AGMO: variants seen among roughly 807,000 people sequenced by gnomAD.
AGMO encodes glyceryl-ether monooxygenase.
In AGMO, 75 loss-of-function variants were observed where a neutral mutation model predicts 60.2. The observed-to-expected ratio is 1.25, with a 90% confidence interval of 1.03 to 1.51. AGMO has a LOEUF of 1.51. Ranked by LOEUF, AGMO falls within the 40% of genes most tolerant of loss-of-function variation. The probability of loss-of-function intolerance (pLI) is 0.00; values close to 1 mark genes in which losing one functional copy is unlikely to be tolerated. For missense variants in AGMO, 763 were observed against 525.5 expected (o/e 1.45, Z -4.42); for synonymous variants, 261 against 177.1 (o/e 1.47, Z -3.76).
chr7:15,243,300 TA>T (rs1392827709), intron 12 of AGMO, among the ~76,000 whole-genome samples: 1 of 152,142 alleles, frequency 6.6e-6, no homozygotes, highest in African/African-American at 2.4e-5. Flanking sequence ...GCTACAGCAT[TA>T]TTCTCTAGAC....
chr7:15,119,090 G>C, the AGMO span, among the ~76,000 whole-genome samples: 1 of 151,654 alleles, frequency 6.6e-6, no homozygotes, highest in East Asian at 1.9e-4. Flanking sequence ...TGCTCTGAGA[G>C]CAAGACATGA....
At chr7:15,444,215 T>C (rs1045161033) in intron 3 of AGMO, among the ~76,000 whole-genome samples, 3 of 152,330 alleles carry the variant, frequency 2.0e-5, no homozygotes, top group African/African-American at 7.2e-5. Context: ...AATAACCAAG[T>C]CACACTATTT....
rs185307214 is a variant in AGMO at position 15,531,051 on chromosome 7, A to G, written c.409+13721T>C. Among the ~76,000 whole-genome samples, 9 of 94,318 alleles carry G rather than the reference A, an allele frequency of 9.5e-5. 1 individual carries two copies. The East Asian group carries it at 1.0e-3, about 11-fold the overall frequency. 61.9% of individuals were successfully genotyped at this position (94,318 alleles called of 152,430 possible). A position where few individuals can be genotyped will look rare whatever the true frequency, so the allele number is the denominator to read the frequency against. On this transcript the variant is annotated intron_variant, in intron 3 of 12. Transcript: ENST00000342526. The stretch of plus-strand genomic sequence containing the variant: ...TCCATATATATTCTATATATATTCT[A>G]TATATATTCTGTATATATTCTATAT...
chr7:15,126,553 A>G, the AGMO span, among the ~76,000 whole-genome samples: 401 of 152,180 alleles, frequency 2.6e-3, no homozygotes, highest in African/African-American at 9.2e-3. Context: ...TTTTTTTATA[A>G]TCTTGCCCCA....
In AGMO at chr7:15,519,077, G is replaced by C. The variant is rs538319873; in HGVS notation, c.409+25695C>G. On this transcript the variant is annotated intron_variant, in intron 3 of 12. Coordinates refer to ENST00000342526, the MANE Select transcript of AGMO (RefSeq NM_001004320.2). Reference sequence around the variant, plus strand: ...AGAAGAAAGGATATCAGAGAATGAAGATCAACTTAATGAAATAAAACATGA... The same window carrying C: ...AGAAGAAAGGATATCAGAGAATGAACATCAACTTAATGAAATAAAACATGA... Among the ~76,000 whole-genome samples, 22 of 151,334 alleles carry C rather than the reference G, an allele frequency of 1.5e-4. No homozygotes were observed. In the East Asian group the frequency reaches 2.2e-3, roughly 15 times the overall value.
chr7:15,359,408 TC>T (rs145672836), intron 12 of AGMO, among the ~76,000 whole-genome samples: 5,099 of 152,278 alleles, frequency 0.033, 319 homozygotes, highest in African/African-American at 0.12. Context: ...TGTGTGGTTT[TC>T]TATTACTGTA....
chr7:15,260,415 C>CA (rs1783234507), intron 12 of AGMO, among the ~76,000 whole-genome samples: 1 of 151,794 alleles, frequency 6.6e-6, no homozygotes, highest in Non-Finnish European at 1.5e-5. Context: ...TTAAAAAAGA[C>CA]AGAGAGGGAT....
intron 10 of AGMO, among the ~76,000 whole-genome samples, chr7:15,375,052 C>T (rs1361840398): frequency 6.6e-6 from 1 of 152,020 alleles, no homozygotes; most frequent in Non-Finnish European, 1.5e-5. Context: ...GTAGAGAACA[C>T]CAAAGGGTTG....
At chr7:15,155,968 CTT>C in the AGMO span, among the ~76,000 whole-genome samples, 7 of 152,174 alleles carry the variant, frequency 4.6e-5, no homozygotes, top group Non-Finnish European at 5.9e-5. Context: ...AGGACTCTGT[CTT>C]TGTCCTCTAG....
chr7:15,366,100 TGAGTAA>T, intron 11 of AGMO, 34 bp downstream of exon 11: 1 of 1,483,538 alleles, frequency 6.7e-7, no homozygotes, highest in African/African-American at 1.4e-5. Flanking sequence ...ATTCTTGAAT[TGAGTAA>T]AAGTAAAAAC....
chr7:15,182,150 T>C, the AGMO span, among the ~76,000 whole-genome samples: 1 of 152,194 alleles, frequency 6.6e-6, no homozygotes, highest in African/African-American at 2.4e-5. Context: ...CATAGAGTCA[T>C]CAAATTTATT....
the AGMO span, among the ~76,000 whole-genome samples, chr7:15,127,983 T>C: frequency 1.3e-5 from 2 of 152,108 alleles, no homozygotes; most frequent in Non-Finnish European, 1.5e-5. Context: ...CTGCCATCCA[T>C]ATTCATATAA....
chr7:15,547,047 C>T (rs1784801165), intron 2 of AGMO, among the ~76,000 whole-genome samples: 1 of 152,144 alleles, frequency 6.6e-6, no homozygotes, highest in African/African-American at 2.4e-5. Context: ...ATAACAATTT[C>T]TCTAAAATAG....
At chr7:15,296,825 T>C (rs1784420042) in intron 12 of AGMO, among the ~76,000 whole-genome samples, 1 of 152,144 alleles carries the variant, frequency 6.6e-6, no homozygotes, top group Non-Finnish European at 1.5e-5. Flanking sequence ...CAACTACAAA[T>C]TTAGCTGAGC....
At chr7:15,340,824 C>T (rs1563096556) in intron 12 of AGMO, among the ~76,000 whole-genome samples, 1 of 152,084 alleles carries the variant, frequency 6.6e-6, no homozygotes, top group Non-Finnish European at 1.5e-5. Flanking sequence ...GGGGTTGGTG[C>T]CCCCACACAG....
At chr7:15,262,997 A>T (rs555638517) in intron 12 of AGMO, among the ~76,000 whole-genome samples, 1 of 152,234 alleles carries the variant, frequency 6.6e-6, no homozygotes, top group South Asian at 2.1e-4. Flanking sequence ...CATTGTAAAA[A>T]CCCTTCTAGA....
At chr7:15,177,225 C>A in the AGMO span, among the ~76,000 whole-genome samples, 1 of 151,926 alleles carries the variant, frequency 6.6e-6, no homozygotes, top group Non-Finnish European at 1.5e-5. Context: ...GCATTTGAAA[C>A]ATACCAAAAA....
chr7:15,221,171 C>G (rs1409947562), intron 12 of AGMO, among the ~76,000 whole-genome samples: 1 of 152,020 alleles, frequency 6.6e-6, no homozygotes, highest in East Asian at 1.9e-4. Flanking sequence ...ATCATTTGGC[C>G]CCTTTTACCT....
chr7:15,269,489 C>A (rs1783530516), intron 12 of AGMO, among the ~76,000 whole-genome samples: 1 of 151,554 alleles, frequency 6.6e-6, no homozygotes, highest in Non-Finnish European at 1.5e-5. Context: ...AGACAGGAGG[C>A]GGAGGTGAAG....
Sources: gnomAD v4.1 joint callset for allele counts (sites outside exome capture counted in the v4.1 genomes callset) on GRCh38, gnomAD v4.1.1 for gene constraint, MANE v1.5 for transcripts, NCBI Gene and HGNC (gene_info 2026-07-23, HGNC 2026-07-21) for gene names.